MYL4: variants seen among roughly 807,000 people sequenced by gnomAD.
MYL4 encodes myosin light chain 4, also known as atrial myosin light chain 1.
MYL4 carries 16 observed loss-of-function variants against 21.6 expected under a neutral mutation model. The observed-to-expected ratio is 0.74, with a 90% CI of 0.50 to 1.12. The LOEUF is 1.12. MYL4 is among the 50% of genes most tolerant of loss of function. The pLI is 0.00. For missense variants in MYL4, 249 were observed against 252.9 expected (o/e 0.98, Z 0.11); for synonymous variants, 82 against 95.7 (o/e 0.86, Z 0.83).
At chr17:47,212,964 G>T in intron 1 of MYL4, among the ~76,000 whole-genome samples, 1 of 152,166 alleles carries the variant, frequency 6.6e-6, no homozygotes, top group Non-Finnish European at 1.5e-5. Flanking sequence ...CTGAAGGAGG[G>T]GTTGGAGTGG....
chr17:47,210,873 G>A (rs1292949868), intron 1 of MYL4, among the ~76,000 whole-genome samples: 1 of 152,144 alleles, frequency 6.6e-6, no homozygotes, highest in Non-Finnish European at 1.5e-5. Flanking sequence ...TTTACAAGCT[G>A]AGCCTGGCAG....
At chr17:47,203,515 T>C (rs186575278) in intron 1 of MYL4, among the ~76,000 whole-genome samples, 36 of 152,342 alleles carry the variant, frequency 2.4e-4, no homozygotes, top group Admixed American at 3.9e-4. Flanking sequence ...TCTTATTTCA[T>C]CTATTATACT....
chr17:47,221,614 C>G, intron 3 of MYL4, 68 bp from the exon 4 acceptor site: 1 of 1,544,534 alleles, frequency 6.5e-7, no homozygotes, highest in Non-Finnish European at 8.7e-7. Flanking sequence ...GAGGCCCCCT[C>G]TTGACCCTCT....
At chr17:47,191,549 C>T in the MYL4 span, among the ~76,000 whole-genome samples, 1 of 152,108 alleles carries the variant, frequency 6.6e-6, no homozygotes, top group Admixed American at 6.5e-5. Context: ...CGGCTGACTG[C>T]GTCCTCCGCC....
intron 2 of MYL4, among the ~76,000 whole-genome samples, chr17:47,217,519 A>G (rs2064823944): frequency 6.6e-6 from 1 of 152,150 alleles, no homozygotes; most frequent in African/African-American, 2.4e-5. Context: ...TTTCCTTTTT[A>G]CAAAGCAGGA....
chr17:47,217,454 T>A (rs1466761969), intron 2 of MYL4, among the ~76,000 whole-genome samples: 4 of 150,584 alleles, frequency 2.7e-5, no homozygotes, highest in Non-Finnish European at 4.4e-5. Flanking sequence ...CAAGACTTTG[T>A]CTCCAAAAAA....
chr17:47,207,876 A>G (rs75810236), upstream of MYL4, among the ~76,000 whole-genome samples: 808 of 152,274 alleles, frequency 5.3e-3, 7 homozygotes, highest in Middle Eastern at 0.031. Context: ...CTTACCCCCT[A>G]GGTCCCCAGA....
At chr17:47,212,006 C>A (rs914198284) in intron 1 of MYL4, among the ~76,000 whole-genome samples, 4 of 152,136 alleles carry the variant, frequency 2.6e-5, no homozygotes, top group African/African-American at 9.7e-5. Flanking sequence ...AGGTGGATCA[C>A]CTGAGGTCAG....
intron 1 of MYL4, among the ~76,000 whole-genome samples, chr17:47,212,720 A>G (rs1053076017): frequency 1.3e-5 from 2 of 152,256 alleles, no homozygotes; most frequent in Non-Finnish European, 2.9e-5. Context: ...TGTAAAGGTT[A>G]AAGCAGATGG....
At chr17:47,192,645 G>T in the MYL4 span, among the ~76,000 whole-genome samples, 4 of 150,820 alleles carry the variant, frequency 2.7e-5, no homozygotes, top group African/African-American at 7.3e-5. Flanking sequence ...GCAAGACTGT[G>T]TCTCAAAAAA....
intron 2 of MYL4, among the ~76,000 whole-genome samples, chr17:47,218,041 C>CAAA (rs1200148257): frequency 3.2e-5 from 2 of 61,908 alleles, no homozygotes; most frequent in African/African-American, 5.8e-5. Flanking sequence ...AACTCCATCT[C>CAAA]AAAAAAAAAA....
chr17:47,216,110 T>TC (rs768661062), intron 2 of MYL4, among the ~76,000 whole-genome samples: 6 of 150,060 alleles, frequency 4.0e-5, no homozygotes, highest in Admixed American at 6.6e-5. Flanking sequence ...TTTTTTTTTT[T>TC]CCCCCTCATA....
At chr17:47,219,083 G>C (rs931813428) in intron 2 of MYL4, among the ~76,000 whole-genome samples, 1 of 152,242 alleles carries the variant, frequency 6.6e-6, no homozygotes, top group African/African-American at 2.4e-5. Context: ...GAAAATGAGG[G>C]CCCACAGGGG....
chr17:47,196,871 A>G (rs1653734915), upstream of MYL4, among the ~76,000 whole-genome samples: 1 of 152,126 alleles, frequency 6.6e-6, no homozygotes, highest in South Asian at 2.1e-4. Flanking sequence ...ATTATAAAAT[A>G]TATAAATATT....
chr17:47,193,100 G>A, the MYL4 span, among the ~76,000 whole-genome samples: 1 of 151,984 alleles, frequency 6.6e-6, no homozygotes, highest in Non-Finnish European at 1.5e-5. Context: ...CTCCTTGTCT[G>A]TACCCTTCAT....
At position 47,202,678 on chromosome 17, in the gene MYL4, A is replaced by G. The variant is rs111380435; in HGVS notation, c.-35+2092A>G. Reference sequence around the variant, plus strand: ...TCATTAACACGAAATTCAAAGAGGTATTGTATAAATTGAAAAAGCAACTCT... The same window carrying G: ...TCATTAACACGAAATTCAAAGAGGTGTTGTATAAATTGAAAAAGCAACTCT... On this transcript the variant is annotated intron_variant and NMD_transcript_variant, in intron 1 of 6. Coordinates refer to the MYL4 transcript ENST00000571981. Among the ~76,000 whole-genome samples, 1,022 of 151,028 alleles carry G rather than the reference A, an allele frequency of 6.8e-3. 20 individuals are homozygous for G. The highest frequency in any genetic ancestry group is 0.024 in the African/African-American group (979 of 41,286).
chr17:47,198,695 C>T (rs760936988), upstream of MYL4, among the ~76,000 whole-genome samples: 10 of 152,078 alleles, frequency 6.6e-5, no homozygotes, highest in Non-Finnish European at 8.8e-5. Flanking sequence ...TAATTGAAAA[C>T]GTGAAGCTTG....
chr17:47,207,996 T>C (rs2064740167), upstream of MYL4, among the ~76,000 whole-genome samples: 1 of 152,252 alleles, frequency 6.6e-6, no homozygotes, highest in Non-Finnish European at 1.5e-5. Context: ...TATTCAAGCA[T>C]AGGCTTTAGA....
chr17:47,219,830 G>T, intron 2 of MYL4, 74 bp from the exon 3 acceptor site: 4 of 1,569,550 alleles, frequency 2.5e-6, no homozygotes, highest in Non-Finnish European at 2.6e-6. Context: ...ATTCAGCTTG[G>T]GTGGAGGCTG....
Sources: gnomAD v4.1 joint callset for allele counts (sites outside exome capture counted in the v4.1 genomes callset) on GRCh38, gnomAD v4.1.1 for gene constraint, MANE v1.5 for transcripts, NCBI Gene and HGNC (gene_info 2026-07-23, HGNC 2026-07-21) for gene names.